The following RAD23B variants were observed in gnomAD, a reference collection of about 807,000 sequenced individuals.
The protein encoded by RAD23B is RAD23 nucleotide excision repair protein B.
In RAD23B, 5 loss-of-function variants were observed where a neutral mutation model predicts 49.1. That is an observed-to-expected ratio of 0.10 (90% CI 0.05 to 0.21). The LOEUF (loss-of-function observed/expected upper bound fraction) is 0.21, where lower values mean the gene tolerates loss of function less well. RAD23B is among the 10% of genes least tolerant of loss of function. The probability of loss-of-function intolerance (pLI) is 1.00; values close to 1 mark genes in which losing one functional copy is unlikely to be tolerated. For missense variants in RAD23B, 356 were observed against 486.7 expected, an observed-to-expected ratio of 0.73 and a Z score of 2.53; for synonymous variants, 184 against 165.4, an observed-to-expected ratio of 1.11 and a Z score of -0.86.
chr9:107,331,384 T>C lies in RAD23B; in HGVS notation c.*1728T>C, dbSNP rs780231682. The C allele has an allele frequency of 3.2e-6, 1 of 309,368 alleles. No homozygotes were observed. The highest frequency in any genetic ancestry group is 5.9e-6 in the Non-Finnish European group (1 of 168,644). 19.2% of individuals were successfully genotyped at this position (309,368 alleles called of 1,614,324 possible). A position where few individuals can be genotyped will look rare whatever the true frequency, so the allele number is the denominator to read the frequency against. On this transcript the variant is annotated 3_prime_UTR_variant, in exon 10 of 10. Transcript: ENST00000358015. ...CAGGCATGGTGGCGCACGCCTGTGG[T>C]CCCAGCTACTTGGGAGGCTGAGGCA...
Position 107,318,374 on chromosome 9 carries a change from C to T in RAD23B, c.554-378C>T, listed in dbSNP as rs929257495. On this transcript the variant is annotated intron_variant, in intron 5 of 9. Transcript: ENST00000358015. The surrounding 1 kb of genome is among the most constrained non-coding windows in gnomAD (Gnocchi z 4.3). ...TCTCTCATCCTGGTTTTGTCTCCTC[C>T]TCCTCACACCTGTTTCTCTGACCCT... 3.9e-5 allele frequency among the ~76,000 whole-genome samples: 6 copies of T among 152,204 alleles called. No homozygotes were observed. Among genetic ancestry groups the T allele is most frequent in the Admixed American group, 3.9e-4 (6 of 15,280 alleles).
In RAD23B at chr9:107,283,608, A is replaced by T. The variant is rs2133057338; in HGVS notation, c.-22A>T. 2.7e-6 allele frequency: 4 copies of T among 1,469,516 alleles called. No homozygotes were observed. The highest frequency in any genetic ancestry group is 2.2e-4 in the Middle Eastern group (1 of 4,474). 91.0% of individuals were successfully genotyped at this position (1,469,516 alleles called of 1,614,324 possible). ...GGCCAGCACCCGGCGCAGGCCCGGC[A>T]GCCGAGCTGCGCGGCGGCACCATGC... On this transcript the variant is annotated 5_prime_UTR_variant, in exon 1 of 10. Coordinates refer to ENST00000358015, the MANE Select transcript of RAD23B (RefSeq NM_002874.5).
At chr9:107,296,536 C>T (rs1587849435) in intron 1 of RAD23B, among the ~76,000 whole-genome samples, 1 of 151,752 alleles carries the variant, frequency 6.6e-6, no homozygotes, top group East Asian at 1.9e-4. Context: ...TTTATTAGTG[C>T]AAAAACAGTT....
At chr9:107,300,079 G>A in intron 1 of RAD23B, 62 bp from the exon 2 acceptor site, 10 of 1,560,068 alleles carry the variant, frequency 6.4e-6, no homozygotes, top group Non-Finnish European at 8.6e-6. Flanking sequence ...TATTTATTCA[G>A]ATTCTGGATT....
intron 5 of RAD23B, among the ~76,000 whole-genome samples, chr9:107,315,865 G>A (rs1003312883): frequency 3.3e-5 from 5 of 152,070 alleles, no homozygotes; most frequent in Non-Finnish European, 4.4e-5. Flanking sequence ...GATCTAAAAA[G>A]TATCACATTG....
chr9:107,313,280 C>T (rs1296184033), intron 5 of RAD23B, among the ~76,000 whole-genome samples: 1 of 152,026 alleles, frequency 6.6e-6, no homozygotes, highest in Non-Finnish European at 1.5e-5. Flanking sequence ...GGCTGGAGTG[C>T]AGTGGCATGA....
chr9:107,327,023 C>T (rs141590714), intron 9 of RAD23B, among the ~76,000 whole-genome samples: 46 of 152,196 alleles, frequency 3.0e-4, no homozygotes, highest in African/African-American at 1.1e-3. Flanking sequence ...AATTTGTTGG[C>T]GTGCAATTGT....
intron 1 of RAD23B, among the ~76,000 whole-genome samples, chr9:107,286,338 G>C (rs922089968): frequency 2.0e-5 from 3 of 152,200 alleles, no homozygotes; most frequent in Admixed American, 6.5e-5. Context: ...GCTTCTGGGA[G>C]CCTTATTGAC....
rs534929181 is a variant in RAD23B at position 107,326,853 on chromosome 9, A to G, written c.1116+1849A>G. On this transcript the variant is annotated intron_variant, in intron 9 of 9. Coordinates refer to ENST00000358015, the MANE Select transcript of RAD23B (RefSeq NM_002874.5). ...CGGGGTTTCAACATGTTAGCCAGGGATGGTCTCGATCTCATGACTTCGTGA... is the reference window on the plus strand; with the variant it reads ...CGGGGTTTCAACATGTTAGCCAGGGGTGGTCTCGATCTCATGACTTCGTGA... Among the ~76,000 whole-genome samples the G allele has an allele frequency of 2.6e-5, 4 of 151,424 alleles. No individual in the cohort carries two copies. The South Asian group carries it at 8.4e-4, about 32-fold the overall frequency.
At chr9:107,302,191 G>A (rs1300647783) in intron 3 of RAD23B, 77 bp downstream of exon 3, 3 of 1,593,174 alleles carry the variant, frequency 1.9e-6, no homozygotes, top group Admixed American at 3.5e-5. Flanking sequence ...TCCACACAAT[G>A]GACACAGTTT....
At chr9:107,300,535 G>T (rs1293123580) in intron 2 of RAD23B, among the ~76,000 whole-genome samples, 2 of 150,316 alleles carry the variant, frequency 1.3e-5, no homozygotes. Flanking sequence ...TATACTGATT[G>T]TGTTATTATT....
At chr9:107,284,611 C>A in intron 1 of RAD23B, 2 of 487,038 alleles carry the variant, frequency 4.1e-6, no homozygotes, top group Non-Finnish European at 5.7e-6. Flanking sequence ...CTGTTGAGGT[C>A]AGTACAACTT....
At chr9:107,301,354 C>G (rs760557789) in intron 2 of RAD23B, among the ~76,000 whole-genome samples, 4 of 152,158 alleles carry the variant, frequency 2.6e-5, no homozygotes, top group Non-Finnish European at 4.4e-5. Context: ...AGGTTATTTT[C>G]CAGAGGACCC....
In RAD23B at chr9:107,323,955, A is replaced by G; in HGVS notation, c.883A>G (p.Asn295Asp). ...ACAGATGAGACAAATTATTCAGCAG[A>G]ATCCTTCCTTGCTTCCAGCGTTACT... ...FQQMRQIIQQ[N>D]PSLLPALLQQ... Residue 295 changes from asparagine to aspartate, a missense_variant, in exon 8 of 10, where the codon AAT becomes GAT. Coordinates refer to ENST00000358015, the MANE Select transcript of RAD23B (RefSeq NM_002874.5). 6.2e-7 allele frequency: 1 copy of G among 1,612,868 alleles called. No homozygotes were observed. Among genetic ancestry groups the G allele is most frequent in the Non-Finnish European group, 8.5e-7 (1 of 1,178,854 alleles).
chr9:107,306,508 A>C lies in RAD23B; in HGVS notation c.358A>C (p.Thr120Pro). 6.2e-7 allele frequency: 1 copy of C among 1,614,056 alleles called. No individual in the cohort carries two copies. Among genetic ancestry groups the C allele is most frequent in the Non-Finnish European group, 8.5e-7 (1 of 1,179,996 alleles). Residue 120 changes from threonine to proline, a missense_variant, in exon 4 of 10, where the codon ACT becomes CCT. Around this residue, in one of 5 missense-constraint regions of RAD23B, gnomAD observed 137 missense variants for 122.0 expected, o/e 1.12. Coordinates refer to ENST00000358015, the MANE Select transcript of RAD23B (RefSeq NM_002874.5). ...APTPVPALAPTSTPASITPAS... is the reference protein window; with the variant it reads ...APTPVPALAPPSTPASITPAS... ...AACCCCTGTCCCTGCCTTGGCCCCC[A>C]CTTCCACACCTGCATCCATCACTCC...
At chr9:107,327,133 G>A (rs768393008) in intron 9 of RAD23B, among the ~76,000 whole-genome samples, 1 of 151,912 alleles carries the variant, frequency 6.6e-6, no homozygotes, top group Non-Finnish European at 1.5e-5. Context: ...AGATATTTTT[G>A]TTTTTTCCCT....
chr9:107,306,069 A>G (rs1289942128), intron 3 of RAD23B, among the ~76,000 whole-genome samples: 1 of 130,930 alleles, frequency 7.6e-6, no homozygotes, highest in Admixed American at 7.5e-5. Context: ...ATATATATAT[A>G]TATCTATATA....
chr9:107,300,566 T>C (rs1826629366), intron 2 of RAD23B, among the ~76,000 whole-genome samples: 1 of 152,058 alleles, frequency 6.6e-6, no homozygotes, highest in Admixed American at 6.6e-5. Context: ...GAATCATTCC[T>C]GTAAAATTAT....
chr9:107,309,901 A>T (rs528914860), intron 4 of RAD23B, among the ~76,000 whole-genome samples: 1 of 144,368 alleles, frequency 6.9e-6, no homozygotes, highest in East Asian at 2.1e-4. Context: ...GCTGCACTCC[A>T]GCCTGGGCGA....
Sources: gnomAD v4.1 joint callset for allele counts (sites outside exome capture counted in the v4.1 genomes callset) on GRCh38, gnomAD v4.1.1 for gene constraint, gnomAD v4.1.1 regional missense constraint, Gnocchi (gnomAD v3.1) non-coding constraint, MANE v1.5 for transcripts, NCBI Gene and HGNC (gene_info 2026-07-23, HGNC 2026-07-21) for gene names.